Variants in MGAT4C observed in about 807,000 individuals in gnomAD.
MGAT4C encodes the protein alpha-1,3-mannosyl-glycoprotein 4-beta-N-acetylglucosaminyltransferase C.
In MGAT4C, 19 loss-of-function variants were observed where a neutral mutation model predicts 40.1. The observed-to-expected ratio is 0.47, with a 90% confidence interval of 0.33 to 0.70. The LOEUF (loss-of-function observed/expected upper bound fraction) is 0.70. Among genes scored for constraint, MGAT4C ranks in the 30% least tolerant of loss-of-function variants. The probability of loss-of-function intolerance (pLI) is 0.02; values close to 1 mark genes in which losing one functional copy is unlikely to be tolerated. For missense variants in MGAT4C, 491 were observed against 563.2 expected, an observed-to-expected ratio of 0.87 and a Z score of 1.30; for synonymous variants, 181 against 187.1, an observed-to-expected ratio of 0.97 and a Z score of 0.27.
intron 2 of MGAT4C, among the ~76,000 whole-genome samples, chr12:86,548,680 C>T (rs1959221551): frequency 6.6e-6 from 1 of 152,054 alleles, no homozygotes; most frequent in Non-Finnish European, 1.5e-5. Context: ...TTTCAAATCC[C>T]AGCTCTTTTC....
intron 4 of MGAT4C, among the ~76,000 whole-genome samples, chr12:86,310,911 G>A (rs781418357): frequency 1.3e-5 from 2 of 152,208 alleles, no homozygotes; most frequent in African/African-American, 2.4e-5. Context: ...GCGACACAAT[G>A]AGACTTCGTC....
intron 2 of MGAT4C, among the ~76,000 whole-genome samples, chr12:86,615,881 A>G (rs1216603674): frequency 6.6e-6 from 1 of 152,120 alleles, no homozygotes; most frequent in African/African-American, 2.4e-5. Flanking sequence ...CCACAGCAAG[A>G]GAATCAATGA....
At chr12:86,191,571 G>C (rs1441799984) in intron 1 of MGAT4C, among the ~76,000 whole-genome samples, 2 of 148,718 alleles carry the variant, frequency 1.3e-5, no homozygotes, top group African/African-American at 4.9e-5. Context: ...CAAATTCCCA[G>C]CTCAAGTACA....
chr12:86,246,272 G>A (rs1418374819), intron 1 of MGAT4C, among the ~76,000 whole-genome samples: 6 of 136,198 alleles, frequency 4.4e-5, no homozygotes, highest in Non-Finnish European at 9.2e-5. Context: ...TGCAAGCTCC[G>A]CCTCCTGGGT....
chr12:86,208,031 T>C (rs529887587), intron 1 of MGAT4C, among the ~76,000 whole-genome samples: 2 of 152,316 alleles, frequency 1.3e-5, no homozygotes, highest in Non-Finnish European at 2.9e-5. Context: ...GCCTTAATGT[T>C]TTCCTAAGCT....
chr12:85,971,873 A>C lies in MGAT4C; in HGVS notation c.*7416T>G, dbSNP rs1305371177. ...CTCAGAAAGGCCTCCTTACCACAAT[A>C]ATTGAAAGGAGTACTTTGTCAATAG... On this transcript the variant is annotated 3_prime_UTR_variant, in exon 5 of 5. Transcript: ENST00000611864. 2.0e-5 allele frequency: 3 copies of C among 151,114 alleles called. No individual in the cohort carries two copies. Among genetic ancestry groups the C allele is most frequent in the Non-Finnish European group, 4.5e-5 (3 of 67,282 alleles). 9.4% of individuals were successfully genotyped at this position (151,114 alleles called of 1,614,324 possible).
At chr12:86,688,157 C>CTTTTTTTTTT (rs55637680) in intron 2 of MGAT4C, among the ~76,000 whole-genome samples, 45 of 65,218 alleles carry the variant, frequency 6.9e-4, no homozygotes, top group Middle Eastern at 0.02. Context: ...GCAACCCCTG[C>CTTTTTTTTTT]TTTTTTTTTT....
intron 1 of MGAT4C, among the ~76,000 whole-genome samples, chr12:86,816,425 A>T (rs778579467): frequency 6.6e-6 from 1 of 151,776 alleles, no homozygotes; most frequent in Non-Finnish European, 1.5e-5. Context: ...ACTTTTGTGT[A>T]TACATTGCTG....
chr12:86,657,926 T>A (rs1963889919), intron 2 of MGAT4C, among the ~76,000 whole-genome samples: 1 of 151,970 alleles, frequency 6.6e-6, no homozygotes, highest in East Asian at 1.9e-4. Context: ...CAGAATTTTA[T>A]AAATTATTCA....
chr12:86,355,753 T>TA (rs971500818), intron 3 of MGAT4C, among the ~76,000 whole-genome samples: 3 of 152,050 alleles, frequency 2.0e-5, no homozygotes, highest in African/African-American at 7.2e-5. Flanking sequence ...AAATAAATAG[T>TA]AAAAAAATTT....
At chr12:86,552,545 AAAT>A (rs1337400021) in intron 2 of MGAT4C, among the ~76,000 whole-genome samples, 3 of 152,136 alleles carry the variant, frequency 2.0e-5, no homozygotes, top group South Asian at 2.1e-4. Context: ...GAACACAAAG[AAAT>A]AATAAATGTT....
At chr12:86,782,915 C>T (rs1435134217) in intron 1 of MGAT4C, among the ~76,000 whole-genome samples, 1 of 152,128 alleles carries the variant, frequency 6.6e-6, no homozygotes, top group Non-Finnish European at 1.5e-5. Flanking sequence ...AGAGAAAATA[C>T]ATTTCTGTTG....
chr12:86,076,559 T>C (rs1367871243), intron 1 of MGAT4C, among the ~76,000 whole-genome samples: 7 of 152,156 alleles, frequency 4.6e-5, no homozygotes, highest in Non-Finnish European at 4.4e-5. Context: ...AAAAGAGGTT[T>C]AGTTGGACTT....
At chr12:86,468,029 ACTT>A (rs1957706416) in intron 2 of MGAT4C, among the ~76,000 whole-genome samples, 1 of 152,100 alleles carries the variant, frequency 6.6e-6, no homozygotes, top group South Asian at 2.1e-4. Context: ...ACTTACACTT[ACTT>A]CTATTTTCTA....
chr12:86,334,078 T>C (rs1592709394), exon 4 of MGAT4C: 1 of 152,138 alleles, frequency 6.6e-6, no homozygotes. Flanking sequence ...TTAGTTTCTG[T>C]AGAGATAGCC....
chr12:86,713,008 A>C (rs1210200158), intron 2 of MGAT4C, among the ~76,000 whole-genome samples: 4 of 152,116 alleles, frequency 2.6e-5, no homozygotes, highest in African/African-American at 9.7e-5. Context: ...GCAATTTTCT[A>C]CTATTTATTC....
chr12:86,612,743 A>C lies in MGAT4C; in HGVS notation c.-229+114466T>G, dbSNP rs1330238264. The stretch of plus-strand genomic sequence containing the variant: ...CAACAGAGTGAGACTCTGTCTCAAA[A>C]AAAAAAAAAAAAAAAAAAGTAGATG... On this transcript the variant is annotated intron_variant, in intron 2 of 7. Transcript: ENST00000548651. 2.0e-5 allele frequency among the ~76,000 whole-genome samples: 3 copies of C among 150,768 alleles called. No homozygotes were observed. The East Asian group carries it at 5.8e-4, about 29-fold the overall frequency.
Position 86,436,651 on chromosome 12 carries a change from A to T in MGAT4C, c.-228-1386T>A, listed in dbSNP as rs75406016. 6.5e-3 allele frequency among the ~76,000 whole-genome samples: 986 copies of T among 151,882 alleles called. 10 individuals are homozygous for T. The highest frequency in any genetic ancestry group is 0.023 in the African/African-American group (943 of 41,522). On this transcript the variant is annotated intron_variant, in intron 2 of 7. Transcript: ENST00000548651. Reference sequence around the variant, plus strand: ...GGACTTGAAATTCTTAACTAGAGGAACTTCTGATGTTCAGCTACATCCAAA... The same window carrying T: ...GGACTTGAAATTCTTAACTAGAGGATCTTCTGATGTTCAGCTACATCCAAA...
At chr12:86,543,911 C>T (rs1048197244) in intron 2 of MGAT4C, among the ~76,000 whole-genome samples, 2 of 152,120 alleles carry the variant, frequency 1.3e-5, no homozygotes, top group African/African-American at 4.8e-5. Flanking sequence ...ACATACCACG[C>T]AGCTGGCCCA....
Sources: gnomAD v4.1 joint callset for allele counts (sites outside exome capture counted in the v4.1 genomes callset) on GRCh38, gnomAD v4.1.1 for gene constraint, MANE v1.5 for transcripts, NCBI Gene and HGNC (gene_info 2026-07-23, HGNC 2026-07-21) for gene names.